The following LTA4H variants were observed in gnomAD, a reference collection of about 807,000 sequenced individuals.
LTA4H encodes the protein leukotriene A-4 hydrolase.
In LTA4H, 59 loss-of-function variants were observed where a neutral mutation model predicts 89.8. That is an observed-to-expected ratio of 0.66 (90% CI 0.53 to 0.82). The LOEUF (loss-of-function observed/expected upper bound fraction) is 0.82, where lower values mean the gene tolerates loss of function less well. Among genes scored for constraint, LTA4H ranks in the 40% least tolerant of loss-of-function variants. The pLI, the probability that LTA4H is intolerant of heterozygous loss-of-function variation, is 0.00. For missense variants in LTA4H, 617 were observed against 727.0 expected, an observed-to-expected ratio of 0.85 and a Z score of 1.74; for synonymous variants, 227 against 253.1, an observed-to-expected ratio of 0.90 and a Z score of 0.98.
intron 12 of LTA4H, chr12:96,014,417 C>A: frequency 6.3e-6 from 1 of 157,500 alleles, no homozygotes; most frequent in Non-Finnish European, 1.4e-5. Context: ...TAGCATGACC[C>A]ATTTTTTGTA....
chr12:96,032,927 G>A (rs1443162578), intron 1 of LTA4H, among the ~76,000 whole-genome samples: 2 of 152,080 alleles, frequency 1.3e-5, no homozygotes, highest in East Asian at 1.9e-4. Context: ...TACACAGTGG[G>A]GAACACACAC....
intron 4 of LTA4H, among the ~76,000 whole-genome samples, chr12:96,023,270 A>G (rs762331803): frequency 6.6e-6 from 1 of 152,212 alleles, no homozygotes; most frequent in African/African-American, 2.4e-5. Context: ...GCACAAAACT[A>G]TTCAGGAAAT....
chr12:96,013,057 A>T, intron 14 of LTA4H, 131 bp downstream of exon 14: 2 of 673,470 alleles, frequency 3.0e-6, no homozygotes, highest in South Asian at 4.2e-5. Context: ...TTAAGGCCAA[A>T]ACACCTAAGA....
chr12:96,019,650 GGCACGATCTTGGCTCACT>G (rs1406013531), intron 6 of LTA4H, among the ~76,000 whole-genome samples: 5 of 142,192 alleles, frequency 3.5e-5, no homozygotes, highest in Non-Finnish European at 6.0e-5. Context: ...GGAGTGCAGT[GGCACGATCTTGGCTCACT>G]GCAAGCTCCA....
At position 96,021,145 on chromosome 12, in the gene LTA4H, G is replaced by C. The variant is rs544669129; in HGVS notation, c.586-8C>G. On this transcript the variant is annotated splice_region_variant and splice_polypyrimidine_tract_variant and intron_variant, in intron 5 of 18. Coordinates refer to ENST00000228740, the MANE Select transcript of LTA4H (RefSeq NM_000895.3). ...GTAGCAGGGTATTGGAACCTAAAGA[G>C]GGCAAACAAACGCACACCACGTGCT... 6.3e-7 allele frequency: 1 copy of C among 1,586,222 alleles called. No individual in the cohort carries two copies. Among genetic ancestry groups the C allele is most frequent in the African/African-American group, 1.4e-5 (1 of 72,872 alleles).
At chr12:96,001,764 A>AACC in intron 18 of LTA4H, among the ~76,000 whole-genome samples, 1 of 152,214 alleles carries the variant, frequency 6.6e-6, no homozygotes, top group South Asian at 2.1e-4. Context: ...AAAAGGTAGG[A>AACC]TTAGTCATTT....
chr12:96,003,962 G>T, intron 16 of LTA4H, 42 bp from the exon 17 acceptor site: 2 of 1,241,508 alleles, frequency 1.6e-6, no homozygotes, highest in South Asian at 1.4e-5. Flanking sequence ...ATTTCAACAG[G>T]ATTCCTTGGA....
intron 18 of LTA4H, 136 bp downstream of exon 18, chr12:96,002,824 G>A (rs751981725): frequency 8.1e-6 from 5 of 614,432 alleles, no homozygotes; most frequent in South Asian, 2.2e-5. Flanking sequence ...TTATAAGTGT[G>A]AATCCCTATT....
chr12:96,013,304 T>C lies in LTA4H; in HGVS notation c.1309-46A>G, dbSNP rs763186913. ...CAGTTTACAATAGAATGCCCTTTCC[T>C]GTCAAAAAAAAATTTAAACTTGTAA... On this transcript the variant is annotated intron_variant, in intron 13 of 18. Transcript: ENST00000228740. 7 of 1,353,184 alleles carry C rather than the reference T, an allele frequency of 5.2e-6. No homozygotes were observed. In the South Asian group the frequency reaches 7.2e-5, roughly 14 times the overall value. 83.8% of individuals were successfully genotyped at this position (1,353,184 alleles called of 1,614,324 possible). A position where few individuals can be genotyped will look rare whatever the true frequency, so the allele number is the denominator to read the frequency against.
chr12:96,030,528 T>C (rs546413042), intron 1 of LTA4H, among the ~76,000 whole-genome samples: 1 of 152,340 alleles, frequency 6.6e-6, no homozygotes, highest in South Asian at 2.1e-4. Flanking sequence ...ATTTCTTGAT[T>C]CTGTTAAAAG....
intron 17 of LTA4H, 38 bp from the exon 18 acceptor site, chr12:96,003,102 T>G (rs760460232): frequency 1.5e-6 from 2 of 1,336,028 alleles, no homozygotes; most frequent in South Asian, 1.2e-5. Context: ...GAGTAGAAAA[T>G]GAGGAAGGGG....
intron 1 of LTA4H, among the ~76,000 whole-genome samples, chr12:96,034,538 A>G (rs954212019): frequency 2.0e-5 from 3 of 152,218 alleles, no homozygotes; most frequent in African/African-American, 7.2e-5. Flanking sequence ...AGCGTATTGA[A>G]TCATCCTTAG....
chr12:96,016,268 C>T (rs994929558), intron 10 of LTA4H, among the ~76,000 whole-genome samples: 1 of 138,378 alleles, frequency 7.2e-6, no homozygotes, highest in Non-Finnish European at 1.5e-5. Context: ...TACTGCACAC[C>T]AGCCTGGGCG....
chr12:96,030,012 T>G (rs937659974), intron 1 of LTA4H, among the ~76,000 whole-genome samples: 34 of 152,124 alleles, frequency 2.2e-4, no homozygotes, highest in African/African-American at 8.2e-4. Context: ...TCTTCATTAA[T>G]CATCCTCCCT....
At chr12:96,002,891 T>C (rs1306743554) in intron 18 of LTA4H, 69 bp downstream of exon 18, 3 of 1,050,756 alleles carry the variant, frequency 2.9e-6, no homozygotes, top group Admixed American at 2.2e-5. Flanking sequence ...ATAGATTACG[T>C]TTAAATATTT....
chr12:96,010,609 C>CA, intron 14 of LTA4H: 1 of 152,328 alleles, frequency 6.6e-6, no homozygotes, highest in Non-Finnish European at 1.5e-5. Flanking sequence ...GTGACTGAAG[C>CA]AAAGGGAGCT....
chr12:96,038,142 T>G (rs555657940), upstream of LTA4H, among the ~76,000 whole-genome samples: 2 of 152,272 alleles, frequency 1.3e-5, no homozygotes, highest in South Asian at 4.1e-4. Flanking sequence ...AGTAAAGATT[T>G]CAGAGGTGTG....
At chr12:96,032,344 C>A (rs1327399695) in intron 1 of LTA4H, among the ~76,000 whole-genome samples, 1 of 152,216 alleles carries the variant, frequency 6.6e-6, no homozygotes, top group Non-Finnish European at 1.5e-5. Context: ...CGCACTGGCA[C>A]TGGGTCTTCC....
chr12:96,002,784 A>C (rs1950125824), intron 18 of LTA4H, among the ~76,000 whole-genome samples, 176 bp downstream of exon 18: 1 of 152,244 alleles, frequency 6.6e-6, no homozygotes, highest in South Asian at 2.1e-4. Context: ...TTCTAAAAAG[A>C]GGAATGAAAT....
Sources: allele counts gnomAD v4.1 joint callset (sites outside exome capture counted in the v4.1 genomes callset), GRCh38; gene constraint gnomAD v4.1.1; transcripts MANE v1.5; gene names NCBI Gene and HGNC (gene_info 2026-07-23, HGNC 2026-07-21).